The following PSMC4 variants were observed in gnomAD, a reference collection of about 807,000 sequenced individuals.
The protein encoded by PSMC4 is proteasome 26S subunit, ATPase 4.
PSMC4 carries 13 observed loss-of-function variants against 48.4 expected under a neutral mutation model. The observed-to-expected ratio is 0.27, with a 90% CI of 0.18 to 0.43. The LOEUF (loss-of-function observed/expected upper bound fraction) is 0.43, where lower values mean the gene tolerates loss of function less well. Among genes scored for constraint, PSMC4 ranks in the 20% least tolerant of loss-of-function variants. PSMC4 has a pLI of 1.00. For synonymous variants in PSMC4, 202 were observed against 212.3 expected (o/e 0.95, Z 0.42); for missense variants, 262 against 555.9 (o/e 0.47, Z 5.32).
chr19:39,977,385 C>T (rs1344624868), intron 6 of PSMC4, among the ~76,000 whole-genome samples: 1 of 152,134 alleles, frequency 6.6e-6, no homozygotes, highest in Non-Finnish European at 1.5e-5. Context: ...ACTAGAGACC[C>T]TCACTTCAGG....
At chr19:39,977,063 G>A (rs958583217) in intron 6 of PSMC4, among the ~76,000 whole-genome samples, 1 of 151,406 alleles carries the variant, frequency 6.6e-6, no homozygotes, top group Admixed American at 6.6e-5. Context: ...ATGTTGGCCA[G>A]GCAGGTCTCG....
Position 39,980,779 on chromosome 19 carries a change from C to T in PSMC4, c.1143+62C>T. 6.5e-7 allele frequency: 1 copy of T among 1,535,812 alleles called. No individual in the cohort carries two copies. Among genetic ancestry groups the T allele is most frequent in the African/African-American group, 1.4e-5 (1 of 73,226 alleles). ...TGTGTGAGGACCCTTCTTCTCTGAA[C>T]CACTCTGCTGCAGTCCTGTCCCCTC... On this transcript the variant is annotated intron_variant, in intron 10 of 10. Coordinates refer to ENST00000157812, the MANE Select transcript of PSMC4 (RefSeq NM_006503.4). This position sits in a 1 kb window ranked among gnomAD's most constrained non-coding sequence, Gnocchi z 4.8.
At chr19:39,978,098 C>T (rs952437205) in intron 6 of PSMC4, among the ~76,000 whole-genome samples, 5 of 152,188 alleles carry the variant, frequency 3.3e-5, no homozygotes, top group African/African-American at 1.2e-4. Flanking sequence ...GTGTTGGGAT[C>T]ACAGGTGTGA....
intron 6 of PSMC4, among the ~76,000 whole-genome samples, chr19:39,976,503 G>C (rs1259556829): frequency 8.3e-5 from 12 of 143,888 alleles, no homozygotes; most frequent in African/African-American, 3.3e-4. Context: ...ACACAGATTC[G>C]TAAAGTTTCT....
chr19:39,974,495 C>A lies in PSMC4; in HGVS notation c.470-29C>A, dbSNP rs113270812. 22 of 1,613,332 alleles carry A rather than the reference C, an allele frequency of 1.4e-5. No individual in the cohort carries two copies. In the African/African-American group the frequency reaches 1.5e-4, roughly 11 times the overall value. ...CCCATGGGGACCTTGAGGACCTGGC[C>A]AGGAGCCCCAGCTCTGCTCTCCCAC... On this transcript the variant is annotated intron_variant, in intron 4 of 10. Coordinates refer to ENST00000157812, the MANE Select transcript of PSMC4 (RefSeq NM_006503.4). The surrounding 1 kb of genome is among the most constrained non-coding windows in gnomAD (Gnocchi z 5.5).
rs1215645007 is a variant in PSMC4 at position 39,981,306 on chromosome 19, C to A, written c.*1C>A. Reference sequence around the variant, plus strand: ...GCAGGAGCATGAGTTTTACAAGTGACCCTTCCCTTCCCTCCACCACACCAC... The same window carrying A: ...GCAGGAGCATGAGTTTTACAAGTGAACCTTCCCTTCCCTCCACCACACCAC... On this transcript the variant is annotated 3_prime_UTR_variant, in exon 11 of 11. Transcript: ENST00000157812. 2.5e-6 allele frequency: 4 copies of A among 1,605,364 alleles called. No individual in the cohort carries two copies. Among genetic ancestry groups the A allele is most frequent in the Non-Finnish European group, 3.4e-6 (4 of 1,172,218 alleles).
Position 39,981,186 on chromosome 19 carries a change from C to T in PSMC4, c.1144-6C>T. The T allele has an allele frequency of 6.2e-7, 1 of 1,610,682 alleles. No individual in the cohort carries two copies. Among genetic ancestry groups the T allele is most frequent in the Non-Finnish European group, 8.5e-7 (1 of 1,177,058 alleles). On this transcript the variant is annotated splice_region_variant and splice_polypyrimidine_tract_variant and intron_variant, in intron 10 of 10. Coordinates refer to ENST00000157812, the MANE Select transcript of PSMC4 (RefSeq NM_006503.4). ...GAAGTAGATTTTAACTCTCATCCTTCAACAGAGTGGAATGTTGGCTGTCCG... is the reference window on the plus strand; with the variant it reads ...GAAGTAGATTTTAACTCTCATCCTTTAACAGAGTGGAATGTTGGCTGTCCG...
chr19:39,974,676 G>T lies in PSMC4; in HGVS notation c.579+43G>T. 6.2e-7 allele frequency: 1 copy of T among 1,611,858 alleles called. No homozygotes were observed. Among genetic ancestry groups the T allele is most frequent in the Non-Finnish European group, 8.5e-7 (1 of 1,178,006 alleles). On this transcript the variant is annotated intron_variant, in intron 5 of 10. Transcript: ENST00000157812. The surrounding 1 kb of genome is among the most constrained non-coding windows in gnomAD (Gnocchi z 5.5). ...GCAGGGAAGGGAGAGGCCCCATTGGGTCTGGGGTTGGAGGTGGAACCCCTG... is the reference window on the plus strand; with the variant it reads ...GCAGGGAAGGGAGAGGCCCCATTGGTTCTGGGGTTGGAGGTGGAACCCCTG...
chr19:39,978,436 G>A (rs1971239355), intron 6 of PSMC4, among the ~76,000 whole-genome samples: 1 of 152,166 alleles, frequency 6.6e-6, no homozygotes, highest in South Asian at 2.1e-4. Flanking sequence ...TTTCTGTTTA[G>A]AGCAGAAAAA....
intron 1 of PSMC4, among the ~76,000 whole-genome samples, chr19:39,971,803 T>C (rs1356099276): frequency 6.6e-6 from 1 of 152,194 alleles, no homozygotes; most frequent in South Asian, 2.1e-4. Context: ...AGGAGAGCCA[T>C]GTGACATTAG....
intron 3 of PSMC4, among the ~76,000 whole-genome samples, chr19:39,972,855 C>T (rs577302537): frequency 2.0e-5 from 3 of 152,112 alleles, no homozygotes; most frequent in Admixed American, 6.6e-5. Flanking sequence ...ACACGATTCT[C>T]CTGTCTCAGC....
At chr19:39,976,846 ATTTT>A (rs1222145410) in intron 6 of PSMC4, among the ~76,000 whole-genome samples, 2 of 105,776 alleles carry the variant, frequency 1.9e-5, no homozygotes, top group Middle Eastern at 5.6e-3. Flanking sequence ...TTTGTGTGTG[ATTTT>A]TTTTTTTTTT....
chr19:39,980,229 G>A lies in PSMC4; in HGVS notation c.919-57G>A, dbSNP rs234341. On this transcript the variant is annotated intron_variant, in intron 8 of 10. Transcript: ENST00000157812. The surrounding 1 kb of genome is among the most constrained non-coding windows in gnomAD (Gnocchi z 4.8). ...GGCTGGCACCTAAGGGGTGGTTATC[G>A]TGACAGGAAGGAGGTAGGAGTGCAG... 0.057 allele frequency: 91,984 copies of A among 1,613,388 alleles called. 9,928 individuals are homozygous for A. Among genetic ancestry groups the A allele is most frequent in the African/African-American group, 0.45 (33,979 of 74,874 alleles).
intron 6 of PSMC4, among the ~76,000 whole-genome samples, chr19:39,977,031 T>G (rs1971213843): frequency 6.6e-6 from 1 of 151,954 alleles, no homozygotes; most frequent in Admixed American, 6.6e-5. Flanking sequence ...TTTTGTACTT[T>G]TGGTAGAAAT....
At position 39,974,820 on chromosome 19, in the gene PSMC4, A is replaced by C; in HGVS notation, c.665A>C (p.His222Pro). The change falls in exon 6 of 11, where the codon CAC becomes CCC. Residue 222 changes from histidine to proline, a missense_variant. By Grantham distance (77) the His-to-Pro change is moderately conservative. Transcript: ENST00000157812. The surrounding 1 kb of genome is among the most constrained non-coding windows in gnomAD (Gnocchi z 5.5). ...KTMLAKAVAH[H>P]TTAAFIRVVG... The stretch of plus-strand genomic sequence containing the variant: ...ATGTTGGCAAAGGCGGTGGCACATC[A>C]CACAACAGGTGAGCCCTTTCGCCCC... 6.2e-7 allele frequency: 1 copy of C among 1,613,704 alleles called. No individual in the cohort carries two copies.
At position 39,971,191 on chromosome 19, in the gene PSMC4, G is replaced by T. The variant is rs749890460; in HGVS notation, c.-12G>T. 4 of 1,614,032 alleles carry T rather than the reference G, an allele frequency of 2.5e-6. No homozygotes were observed. Among genetic ancestry groups the T allele is most frequent in the Non-Finnish European group, 3.4e-6 (4 of 1,179,928 alleles). The stretch of plus-strand genomic sequence containing the variant: ...GATCATCCCAGGCCACACAGAGGCC[G>T]GCTTGGTCACTATGGAGGAGATAGG... On this transcript the variant is annotated 5_prime_UTR_variant, in exon 1 of 11. Transcript: ENST00000157812.
intron 6 of PSMC4, among the ~76,000 whole-genome samples, chr19:39,978,612 A>G (rs1049619246): frequency 1.6e-4 from 24 of 152,128 alleles, no homozygotes; most frequent in African/African-American, 5.3e-4. Flanking sequence ...CACTCAGTCT[A>G]TCTATGGACT....
chr19:39,976,252 T>A (rs368701053), intron 6 of PSMC4, among the ~76,000 whole-genome samples: 24,958 of 130,862 alleles, frequency 0.19, 4,097 homozygotes, highest in African/African-American at 0.46. Flanking sequence ...AAAATATATA[T>A]ATATATATAT....
chr19:39,974,323 A>G lies in PSMC4; in HGVS notation c.352A>G (p.Thr118Ala). 1 of 1,614,124 alleles carries G rather than the reference A, an allele frequency of 6.2e-7. No individual in the cohort carries two copies. Among genetic ancestry groups the G allele is most frequent in the South Asian group, 1.1e-5 (1 of 91,074 alleles). Residue 118 changes from threonine (T) to alanine (A), a missense_variant, in exon 4 of 11, where the codon ACC becomes GCC. Coordinates refer to ENST00000157812, the MANE Select transcript of PSMC4 (RefSeq NM_006503.4). This position sits in a 1 kb window ranked among gnomAD's most constrained non-coding sequence, Gnocchi z 5.5. ...CAACTATTATGTGCGCATCCTGAGC[A>G]CCATCGATCGGGAGCTGCTCAAGCC... is the stretch of plus-strand genomic sequence containing the variant. ...GSNYYVRILS[T>A]IDRELLKPNA...
Sources: gnomAD v4.1 joint callset for allele counts (sites outside exome capture counted in the v4.1 genomes callset) on GRCh38, gnomAD v4.1.1 for gene constraint, Gnocchi (gnomAD v3.1) non-coding constraint, MANE v1.5 for transcripts, NCBI Gene and HGNC (gene_info 2026-07-23, HGNC 2026-07-21) for gene names.